PPP2R2B: variants seen among roughly 807,000 people sequenced by gnomAD.
PPP2R2B encodes the protein protein phosphatase 2 regulatory subunit Bbeta, also known as serine/threonine-protein phosphatase 2A 55 kDa regulatory subunit B beta isoform.
In PPP2R2B, 5 loss-of-function variants were observed where a neutral mutation model predicts 46.0. The observed-to-expected ratio is 0.11, with a 90% CI of 0.06 to 0.23. The LOEUF (loss-of-function observed/expected upper bound fraction) is 0.23, where lower values mean the gene tolerates loss of function less well. Among genes scored for constraint, PPP2R2B ranks in the 10% least tolerant of loss-of-function variants. PPP2R2B has a pLI of 1.00. For missense variants in PPP2R2B, 367 were observed against 575.0 expected (o/e 0.64, Z 3.70); for synonymous variants, 215 against 206.7 (o/e 1.04, Z -0.34).
intron 2 of PPP2R2B, among the ~76,000 whole-genome samples, chr5:146,703,589 C>G (rs964835627): frequency 2.0e-5 from 3 of 152,144 alleles, no homozygotes; most frequent in Non-Finnish European, 4.4e-5. Context: ...GCTCTTGGCT[C>G]AGTTGCCAAG....
At chr5:146,934,623 G>A (rs1225650339) in intron 1 of PPP2R2B, among the ~76,000 whole-genome samples, 2 of 146,544 alleles carry the variant, frequency 1.4e-5, no homozygotes, top group African/African-American at 5.1e-5. Context: ...GAACGTGTTT[G>A]GTGCCTGGGG....
intron 2 of PPP2R2B, among the ~76,000 whole-genome samples, chr5:146,719,736 T>C (rs1780686858): frequency 6.8e-6 from 1 of 146,656 alleles, no homozygotes; most frequent in Non-Finnish European, 1.5e-5. Context: ...TTTATTTTAT[T>C]TGGACTAGTT....
chr5:146,920,342 C>T (rs1431684875), intron 1 of PPP2R2B, among the ~76,000 whole-genome samples: 2 of 152,164 alleles, frequency 1.3e-5, no homozygotes, highest in South Asian at 4.1e-4. Context: ...AAGCCCTTAC[C>T]AGGCCCAATA....
chr5:147,055,366 T>C (rs527711944), intron 1 of PPP2R2B, among the ~76,000 whole-genome samples: 13 of 152,356 alleles, frequency 8.5e-5, no homozygotes, highest in Admixed American at 3.9e-4. Flanking sequence ...CAATGACTTG[T>C]TTGCATGTTA....
intron 1 of PPP2R2B, among the ~76,000 whole-genome samples, chr5:147,030,903 C>T (rs1379130422): frequency 6.6e-6 from 1 of 152,152 alleles, no homozygotes; most frequent in Non-Finnish European, 1.5e-5. Flanking sequence ...AAATGCATGT[C>T]TCTCCTTGCA....
rs374343091 is a variant in PPP2R2B at position 146,648,539 on chromosome 5, T to C, written c.625+2008A>G. Among the ~76,000 whole-genome samples, 88 of 152,302 alleles carry C rather than the reference T, an allele frequency of 5.8e-4. 1 individual carries two copies. The South Asian group carries it at 0.017, about 30-fold the overall frequency. Reference sequence around the variant, plus strand: ...CAATAATTTTCTGTATGTCAGAGTGTTCCACGTACTGGAATACAGCAATAG... The same window carrying C: ...CAATAATTTTCTGTATGTCAGAGTGCTCCACGTACTGGAATACAGCAATAG... On this transcript the variant is annotated intron_variant, in intron 6 of 9. Transcript: ENST00000394411.
At chr5:146,823,962 C>G (rs1370330057) in intron 2 of PPP2R2B, among the ~76,000 whole-genome samples, 1 of 152,140 alleles carries the variant, frequency 6.6e-6, no homozygotes, top group Non-Finnish European at 1.5e-5. Context: ...CACTCCATTT[C>G]CCTCCTGGAT....
chr5:147,006,606 A>T (rs182242586), intron 1 of PPP2R2B, among the ~76,000 whole-genome samples: 15 of 152,092 alleles, frequency 9.9e-5, no homozygotes, highest in Admixed American at 5.9e-4. Context: ...CTACTACCAC[A>T]CTCTCAGAGG....
intron 1 of PPP2R2B, among the ~76,000 whole-genome samples, chr5:146,956,223 A>G (rs1751900401): frequency 8.8e-6 from 1 of 113,656 alleles, no homozygotes; most frequent in South Asian, 2.6e-4. Context: ...TCTCCCATCA[A>G]ATTTCCATTC....
chr5:146,981,158 C>T (rs1753156607), intron 1 of PPP2R2B, among the ~76,000 whole-genome samples: 3 of 152,122 alleles, frequency 2.0e-5, no homozygotes, highest in Non-Finnish European at 4.4e-5. Flanking sequence ...TAGTACCTGG[C>T]ACATAGCAGG....
intron 1 of PPP2R2B, among the ~76,000 whole-genome samples, chr5:147,021,253 T>A (rs922870862): frequency 2.0e-5 from 3 of 152,102 alleles, no homozygotes; most frequent in Non-Finnish European, 2.9e-5. Flanking sequence ...AGGCCTTTGA[T>A]GAACCCTGGG....
At chr5:146,902,509 T>C (rs1762867441) in intron 1 of PPP2R2B, among the ~76,000 whole-genome samples, 1 of 152,214 alleles carries the variant, frequency 6.6e-6, no homozygotes, top group South Asian at 2.1e-4. Flanking sequence ...TATATGCATT[T>C]TACATAGATT....
intron 1 of PPP2R2B, among the ~76,000 whole-genome samples, chr5:146,983,390 C>T (rs895577581): frequency 6.6e-6 from 1 of 152,042 alleles, no homozygotes; most frequent in African/African-American, 2.4e-5. Context: ...CCATGTTAGC[C>T]AGGATGGTCT....
intron 1 of PPP2R2B, among the ~76,000 whole-genome samples, chr5:146,996,818 C>A (rs1212568024): frequency 1.3e-5 from 2 of 152,162 alleles, no homozygotes; most frequent in East Asian, 3.9e-4. Context: ...GGGATCAATT[C>A]TCCCTCCCAC....
intron 1 of PPP2R2B, among the ~76,000 whole-genome samples, chr5:147,041,245 G>T (rs890280045): frequency 8.5e-5 from 13 of 152,140 alleles, no homozygotes; most frequent in African/African-American, 3.1e-4. Flanking sequence ...GACTCGATGA[G>T]GACTGCCAAG....
chr5:147,034,359 T>G (rs1755935196), intron 1 of PPP2R2B, among the ~76,000 whole-genome samples: 1 of 152,200 alleles, frequency 6.6e-6, no homozygotes, highest in South Asian at 2.1e-4. Flanking sequence ...AGAATATTTT[T>G]CCTTTTATTG....
intron 4 of PPP2R2B, among the ~76,000 whole-genome samples, chr5:146,695,409 T>A (rs1350634026): frequency 6.6e-6 from 1 of 152,192 alleles, no homozygotes; most frequent in African/African-American, 2.4e-5. Context: ...TGTTTTTATG[T>A]CATAAATAAT....
chr5:146,926,834 C>T (rs1197595565), intron 1 of PPP2R2B, among the ~76,000 whole-genome samples: 2 of 152,130 alleles, frequency 1.3e-5, no homozygotes, highest in Non-Finnish European at 2.9e-5. Flanking sequence ...GTCTCCACTG[C>T]CCATATGCAC....
At chr5:146,617,700 T>TTC (rs953267845) in intron 7 of PPP2R2B, among the ~76,000 whole-genome samples, 5 of 143,364 alleles carry the variant, frequency 3.5e-5, no homozygotes, top group African/African-American at 1.3e-4. Flanking sequence ...CTCTCTCTCT[T>TTC]TTTTTTTTTT....
Sources: allele counts gnomAD v4.1 joint callset (sites outside exome capture counted in the v4.1 genomes callset), GRCh38; gene constraint gnomAD v4.1.1; transcripts MANE v1.5; gene names NCBI Gene and HGNC (gene_info 2026-07-23, HGNC 2026-07-21).